The following GRB14 variants were observed in gnomAD, a reference collection of about 807,000 sequenced individuals.
The protein encoded by GRB14 is growth factor receptor-bound protein 14.
In GRB14, 38 loss-of-function variants were observed where a neutral mutation model predicts 69.1. The ratio of observed to expected loss-of-function variants is 0.55; its 90% CI spans 0.42 to 0.72. The LOEUF (loss-of-function observed/expected upper bound fraction) is 0.72. Ranked by LOEUF, GRB14 falls within the 30% of genes least tolerant of loss-of-function variation. The pLI, the probability that GRB14 is intolerant of heterozygous loss-of-function variation, is 0.00. For synonymous variants in GRB14, 247 were observed against 241.3 expected (o/e 1.02, Z -0.22); for missense variants, 666 against 666.1 (o/e 1.00, Z 0.00).
intron 5 of GRB14, among the ~76,000 whole-genome samples, chr2:164,523,895 C>T (rs1255420805): frequency 6.6e-6 from 1 of 151,966 alleles, no homozygotes; most frequent in African/African-American, 2.4e-5. Context: ...AAACTCCATC[C>T]CACCACTGTG....
chr2:164,517,947 A>C (rs1276498868), intron 6 of GRB14, among the ~76,000 whole-genome samples: 1 of 152,294 alleles, frequency 6.6e-6, no homozygotes, highest in Non-Finnish European at 1.5e-5. Flanking sequence ...CACTAACTGC[A>C]CTAGACAGGT....
At position 164,621,052 on chromosome 2, in the gene GRB14, C is replaced by T; in HGVS notation, c.191+67G>A. On this transcript the variant is annotated intron_variant, in intron 1 of 13. Coordinates refer to ENST00000263915, the MANE Select transcript of GRB14 (RefSeq NM_004490.3). The surrounding 1 kb of genome is among the most constrained non-coding windows in gnomAD (Gnocchi z 6.0). The stretch of plus-strand genomic sequence containing the variant: ...TGGGCACATGGCTCACCCCCTAGGA[C>T]CGCCTCCTCACCCCCTCGCCGGCTG... 2.5e-6 allele frequency: 3 copies of T among 1,216,798 alleles called. No homozygotes were observed. Among genetic ancestry groups the T allele is most frequent in the South Asian group, 4.2e-5 (1 of 23,696 alleles). 75.4% of individuals were successfully genotyped at this position (1,216,798 alleles called of 1,614,324 possible).
rs1213345479 is a variant in GRB14 at position 164,569,036 on chromosome 2, A to C, written c.325-21220T>G. On this transcript the variant is annotated intron_variant, in intron 2 of 13. Coordinates refer to ENST00000263915, the MANE Select transcript of GRB14 (RefSeq NM_004490.3). ...TTGATATCACACACTGTTAAATATT[A>C]TTTTAACAATAAACCTAAATAATAG... 2.6e-5 allele frequency among the ~76,000 whole-genome samples: 4 copies of C among 152,268 alleles called. No homozygotes were observed. The East Asian group carries it at 7.7e-4, about 29-fold the overall frequency.
chr2:164,619,824 A>G lies in GRB14; in HGVS notation c.192-5T>C, dbSNP rs369949330. 3.6e-4 allele frequency: 581 copies of G among 1,599,666 alleles called. No individual in the cohort carries two copies. The highest frequency in any genetic ancestry group is 4.7e-4 in the Non-Finnish European group (556 of 1,172,298). ...TCAAGATCTTTCTTTTTTCTCCTAC[A>G]GTAAGAGAACATAGGATGTAATTTA... On this transcript the variant is annotated splice_region_variant and splice_polypyrimidine_tract_variant and intron_variant, in intron 1 of 13. Coordinates refer to ENST00000263915, the MANE Select transcript of GRB14 (RefSeq NM_004490.3).
At chr2:164,549,258 C>T (rs1350543270) in intron 2 of GRB14, among the ~76,000 whole-genome samples, 1 of 152,004 alleles carries the variant, frequency 6.6e-6, no homozygotes, top group African/African-American at 2.4e-5. Flanking sequence ...GGATATTAAC[C>T]CTTATAATTA....
intron 5 of GRB14, 115 bp from the exon 6 acceptor site, chr2:164,522,232 C>T: frequency 1.5e-6 from 1 of 654,862 alleles, no homozygotes; most frequent in South Asian, 1.9e-5. Context: ...AAGATCATAA[C>T]ATATAACATT....
chr2:164,618,219 C>T (rs1436797229), intron 2 of GRB14, among the ~76,000 whole-genome samples: 1 of 152,060 alleles, frequency 6.6e-6, no homozygotes, highest in Admixed American at 6.5e-5. Context: ...CCCGCCTCAG[C>T]CTCCCAAAGT....
intron 6 of GRB14, among the ~76,000 whole-genome samples, chr2:164,511,446 A>C (rs958912866): frequency 1.3e-5 from 2 of 152,136 alleles, no homozygotes; most frequent in African/African-American, 4.8e-5. Flanking sequence ...AGGGCACCAG[A>C]GTTGTGAGGC....
intron 3 of GRB14, among the ~76,000 whole-genome samples, chr2:164,527,651 A>G (rs911107146): frequency 1.3e-5 from 2 of 152,020 alleles, no homozygotes; most frequent in Admixed American, 6.6e-5. Flanking sequence ...TAAATGCTTT[A>G]AAGGAAAATT....
intron 2 of GRB14, among the ~76,000 whole-genome samples, chr2:164,555,428 A>G (rs1688654259): frequency 6.6e-6 from 1 of 152,194 alleles, no homozygotes; most frequent in South Asian, 2.1e-4. Flanking sequence ...TGGATTAAAC[A>G]TAAAACAATG....
intron 2 of GRB14, among the ~76,000 whole-genome samples, chr2:164,607,754 C>A (rs1558881949): frequency 6.6e-6 from 1 of 152,136 alleles, no homozygotes; most frequent in African/African-American, 2.4e-5. Context: ...TTACCATTAG[C>A]CATTAATGAT....
At chr2:164,606,097 TC>T (rs1220894197) in intron 2 of GRB14, among the ~76,000 whole-genome samples, 1 of 152,206 alleles carries the variant, frequency 6.6e-6, no homozygotes, top group Non-Finnish European at 1.5e-5. Flanking sequence ...AGAATGTTTT[TC>T]CCATATTTTC....
chr2:164,585,994 A>G (rs1689528857), intron 2 of GRB14, among the ~76,000 whole-genome samples: 1 of 152,234 alleles, frequency 6.6e-6, no homozygotes, highest in Admixed American at 6.5e-5. Context: ...GACATAGATT[A>G]TGCCTTAAGT....
At chr2:164,600,571 G>GCT (rs1305918496) in intron 2 of GRB14, among the ~76,000 whole-genome samples, 23 of 152,198 alleles carry the variant, frequency 1.5e-4, no homozygotes, top group African/African-American at 5.3e-4. Context: ...CTTGTTAAAG[G>GCT]TTTTAATGTT....
intron 2 of GRB14, among the ~76,000 whole-genome samples, chr2:164,609,744 G>A (rs544781413): frequency 6.6e-6 from 1 of 152,240 alleles, no homozygotes; most frequent in African/African-American, 2.4e-5. Flanking sequence ...TTGCTCTTAA[G>A]AAGTTATCCC....
At chr2:164,519,091 T>A (rs1362545071) in intron 6 of GRB14, among the ~76,000 whole-genome samples, 2 of 151,912 alleles carry the variant, frequency 1.3e-5, no homozygotes, top group African/African-American at 4.8e-5. Context: ...CAGACCAATA[T>A]CCCTGATGAA....
chr2:164,598,350 C>T (rs1315820340), intron 2 of GRB14, among the ~76,000 whole-genome samples: 1 of 152,136 alleles, frequency 6.6e-6, no homozygotes, highest in Non-Finnish European at 1.5e-5. Flanking sequence ...AAAATGCATT[C>T]CAAGCTCCCA....
rs1558888515 is a variant in GRB14, at chr2:164,620,073, A to AC, written c.192-255dup. On this transcript the variant is annotated intron_variant, in intron 1 of 13. Transcript: ENST00000263915. ...CTCTCTCTCTCTCTCCCCTCCCACC[A>AC]CCCCTCCCCCCCCCACCGCCTTCTC... is the stretch of plus-strand genomic sequence containing the variant. The AC allele has an allele frequency of 3.9e-3, 173 of 43,840 alleles. 5 individuals carry two copies. The highest frequency in any genetic ancestry group is 0.016 in the South Asian group (30 of 1,898). 2.7% of individuals were successfully genotyped at this position (43,840 alleles called of 1,614,324 possible).
rs75836925 is a variant in GRB14, at chr2:164,530,436, G to C, written c.482-3301C>G. Reference sequence around the variant, plus strand: ...ACATTTCAACATGAAATTTGGAGGGGCATATATTTAAACCATAATAGTGGT... The same window carrying C: ...ACATTTCAACATGAAATTTGGAGGGCCATATATTTAAACCATAATAGTGGT... On this transcript the variant is annotated intron_variant, in intron 3 of 13. Coordinates refer to ENST00000263915, the MANE Select transcript of GRB14 (RefSeq NM_004490.3). 6.1e-4 allele frequency among the ~76,000 whole-genome samples: 93 copies of C among 152,188 alleles called. 3 individuals carry two copies. The East Asian group carries it at 0.015, about 24-fold the overall frequency.
Sources: gnomAD v4.1 joint callset for allele counts (sites outside exome capture counted in the v4.1 genomes callset) on GRCh38, gnomAD v4.1.1 for gene constraint, Gnocchi (gnomAD v3.1) non-coding constraint, MANE v1.5 for transcripts, NCBI Gene and HGNC (gene_info 2026-07-23, HGNC 2026-07-21) for gene names.